Variants in KLHL17 observed in about 807,000 individuals in gnomAD.
The protein encoded by KLHL17 is kelch-like protein 17.
A neutral mutation model predicts 64.6 loss-of-function variants in KLHL17; 71 were observed. The observed-to-expected ratio is 1.10, with a 90% CI of 0.91 to 1.34. The LOEUF (loss-of-function observed/expected upper bound fraction) is 1.34. Among genes scored for constraint, KLHL17 ranks in the 40% most tolerant of loss-of-function variants. The pLI is 0.00. For missense variants in KLHL17, 1,140 were observed against 935.0 expected, an observed-to-expected ratio of 1.22 and a Z score of -2.86; for synonymous variants, 612 against 405.4, an observed-to-expected ratio of 1.51 and a Z score of -6.12.
chr1:961,757 G>A lies in KLHL17; in HGVS notation c.489+7G>A, dbSNP rs1177425902. On this transcript the variant is annotated splice_region_variant and intron_variant, in intron 3 of 11. Coordinates refer to ENST00000338591, the MANE Select transcript of KLHL17 (RefSeq NM_198317.3). ...GGGCGAGGGCAATGTGCAGGTGAGG[G>A]CTCCCTCACCCGGATCCCGGTGTCC... 6.2e-7 allele frequency: 1 copy of A among 1,611,806 alleles called. No individual in the cohort carries two copies. The highest frequency in any genetic ancestry group is 8.5e-7 in the Non-Finnish European group (1 of 1,179,514).
intron 1 of KLHL17, 171 bp downstream of exon 1, chr1:960,971 GC>G: frequency 2.7e-6 from 1 of 367,356 alleles, no homozygotes; most frequent in Non-Finnish European, 3.8e-6. Flanking sequence ...CGCCCCGCGC[GC>G]CCAGGACGCG....
rs1229721839 is a variant in KLHL17 at position 963,476 on chromosome 1, G to A, written c.1327G>A (p.Gly443Ser). The change falls in exon 8 of 12, where the codon GGC becomes AGC. Residue 443 changes from glycine to serine, a missense_variant. Physicochemically the swap from Gly to Ser is moderately conservative, Grantham distance 56. Transcript: ENST00000338591. ...ALHGLLYSAGGYDGASCLNSA... is the reference protein window; with the variant it reads ...ALHGLLYSAGSYDGASCLNSA... ...GCATGGACTCCTGTACTCGGCCGGC[G>A]GCTATGACGGGGCCTCCTGCCTGAA... The A allele has an allele frequency of 9.3e-6, 15 of 1,610,212 alleles. No individual in the cohort carries two copies. Among genetic ancestry groups the A allele is most frequent in the Admixed American group, 1.7e-5 (1 of 59,916 alleles).
At chr1:962,578 G>A in intron 5 of KLHL17, 107 bp downstream of exon 5, 1 of 1,530,002 alleles carries the variant, frequency 6.5e-7, no homozygotes, top group Non-Finnish European at 8.8e-7. Flanking sequence ...CCGTGGGGGT[G>A]GTGCCCCCAC....
In KLHL17 at chr1:962,067, G is replaced by A; in HGVS notation, c.711+20G>A. The A allele has an allele frequency of 6.2e-7, 1 of 1,601,192 alleles. No homozygotes were observed. The highest frequency in any genetic ancestry group is 8.5e-7 in the Non-Finnish European group (1 of 1,172,970). On this transcript the variant is annotated intron_variant, in intron 4 of 11. Transcript: ENST00000338591. ...AAACAGGTAACAGCTGGCGGGCCCA[G>A]CCCTCGCCCCCCACCCCACCCCACC...
chr1:960,903 G>C, intron 1 of KLHL17, 103 bp downstream of exon 1: 1 of 816,638 alleles, frequency 1.2e-6, no homozygotes, highest in Non-Finnish European at 1.5e-6. Flanking sequence ...TCCGAGGGCC[G>C]GGGGAGGTCG....
At position 961,626 on chromosome 1, in the gene KLHL17, C is replaced by A; in HGVS notation, c.368-3C>A. The A allele has an allele frequency of 6.2e-7, 1 of 1,612,820 alleles. No individual in the cohort carries two copies. The highest frequency in any genetic ancestry group is 8.5e-7 in the Non-Finnish European group (1 of 1,179,948). On this transcript the variant is annotated splice_polypyrimidine_tract_variant and splice_region_variant and intron_variant, in intron 2 of 11. Coordinates refer to ENST00000338591, the MANE Select transcript of KLHL17 (RefSeq NM_198317.3). ...CAGCTCGTGTAACCCGCTGTCCCCGCAGATGAGATGAGCGAGAGCCGCCAG... is the reference window on the plus strand; with the variant it reads ...CAGCTCGTGTAACCCGCTGTCCCCGAAGATGAGATGAGCGAGAGCCGCCAG...
chr1:962,685 G>C lies in KLHL17; in HGVS notation c.829-19G>C. 3 of 1,570,144 alleles carry C rather than the reference G, an allele frequency of 1.9e-6. No homozygotes were observed. The highest frequency in any genetic ancestry group is 2.6e-6 in the Non-Finnish European group (3 of 1,161,538). On this transcript the variant is annotated intron_variant, in intron 5 of 11. Transcript: ENST00000338591. ...GTGCCCGAGGGTCCCGCCTGACCTT[G>C]GCGTTCCCTGCACCCCAGCTCATGA...
In KLHL17 at chr1:963,916, A is replaced by G; in HGVS notation, c.1356-4A>G. On this transcript the variant is annotated splice_region_variant and splice_polypyrimidine_tract_variant and intron_variant, in intron 8 of 11. Coordinates refer to ENST00000338591, the MANE Select transcript of KLHL17 (RefSeq NM_198317.3). ...AGCTGTGGCTGCGGTCCTGGTGCCCACAGTGCTGAACGCTACGACCCCCTG... is the reference window on the plus strand; with the variant it reads ...AGCTGTGGCTGCGGTCCTGGTGCCCGCAGTGCTGAACGCTACGACCCCCTG... 1 of 1,612,016 alleles carries G rather than the reference A, an allele frequency of 6.2e-7. No homozygotes were observed. Among genetic ancestry groups the G allele is most frequent in the South Asian group, 1.1e-5 (1 of 91,068 alleles).
intron 8 of KLHL17, chr1:963,708 G>C: frequency 1.2e-6 from 1 of 821,192 alleles, no homozygotes; most frequent in Non-Finnish European, 1.9e-6. Context: ...CTTACCCCCA[G>C]TCCAGAGGCT....
At position 964,462 on chromosome 1, in the gene KLHL17, C is replaced by T. The variant is rs779892783; in HGVS notation, c.1632C>T (p.Leu544=). 3 of 1,546,632 alleles carry T rather than the reference C, an allele frequency of 1.9e-6. No homozygotes were observed. The highest frequency in any genetic ancestry group is 2.6e-6 in the Non-Finnish European group (3 of 1,145,826). The stretch of plus-strand genomic sequence containing the variant: ...GGGGCAACGACGGCACCAGCTGCCT[C>T]AACTCGGTAGAGAGATACAGTCCAA... ...VAGGNDGTSC[L]NSVERYSPKA... The change falls in exon 11 of 12, where the codon CTC becomes CTT. Residue 544 remains leucine (L), a synonymous_variant. Coordinates refer to ENST00000338591, the MANE Select transcript of KLHL17 (RefSeq NM_198317.3).
rs888445444 is a variant in KLHL17 at position 965,008 on chromosome 1, G to T, written c.1746G>T (p.Val582=). 7 of 1,612,116 alleles carry T rather than the reference G, an allele frequency of 4.3e-6. No individual in the cohort carries two copies. ...LVAMDGWLYA[V]GGNDGSSSLN... ...CCATGGACGGATGGTTGTACGCCGT[G>T]GGGGGTAACGACGGTAGCTCCAGCC... is the stretch of plus-strand genomic sequence containing the variant. The change falls in exon 12 of 12, where the codon GTG becomes GTT. Residue 582 remains valine (V), a synonymous_variant. Transcript: ENST00000338591.
Position 965,301 on chromosome 1 carries a change from GTCTT to G in KLHL17, c.*112_*115del, listed in dbSNP as rs1642900383. ...CACGTCTCTGCATCCATTCCTTCAT[GTCTT>G]TATTTAGTTGTTTATTTATTTAGTT... On this transcript the variant is annotated 3_prime_UTR_variant, in exon 12 of 12. Coordinates refer to ENST00000338591, the MANE Select transcript of KLHL17 (RefSeq NM_198317.3). The G allele has an allele frequency of 1.5e-5, 12 of 822,966 alleles. No homozygotes were observed. The highest frequency in any genetic ancestry group is 2.3e-5 in the Non-Finnish European group (12 of 529,830). The allele number at this position is 822,966 out of a possible 1,614,324, so 51.0% of individuals were successfully genotyped here.
chr1:961,236 TC>T (rs1292141289), intron 1 of KLHL17, 56 bp from the exon 2 acceptor site: 2 of 1,274,520 alleles, frequency 1.6e-6, no homozygotes, highest in African/African-American at 3.2e-5. Context: ...CCCCAGCGGC[TC>T]CAGGGCGGGC....
Position 962,408 on chromosome 1 carries a change from C to A in KLHL17, c.765C>A (p.Val255=), listed in dbSNP as rs772088075. 6.2e-7 allele frequency: 1 copy of A among 1,612,762 alleles called. No individual in the cohort carries two copies. Among genetic ancestry groups the A allele is most frequent in the East Asian group, 2.2e-5 (1 of 44,880 alleles). ...TGAACGTGCCTTCAGAGGAGGAGGT[C>A]TACCGAGCCGTCCTGAGCTGGGTGA... The part of the protein sequence containing the change: ...DSLNVPSEEE[V]YRAVLSWVKH... Residue 255 remains valine (V), a synonymous_variant, in exon 5 of 12, where the codon GTC becomes GTA. Coordinates refer to ENST00000338591, the MANE Select transcript of KLHL17 (RefSeq NM_198317.3).
chr1:961,073 G>C (rs1385700053), intron 1 of KLHL17, among the ~76,000 whole-genome samples: 1 of 151,202 alleles, frequency 6.6e-6, no homozygotes, highest in Non-Finnish European at 1.5e-5. Context: ...GCGGGGCTCT[G>C]TTCGCGGCTC....
rs545407464 is a variant in KLHL17 at position 965,250 on chromosome 1, A to G, written c.*59A>G. 1.4e-6 allele frequency: 2 copies of G among 1,424,476 alleles called. No homozygotes were observed. Among genetic ancestry groups the G allele is most frequent in the Non-Finnish European group, 2.0e-6 (2 of 1,022,896 alleles). 88.2% of individuals were successfully genotyped at this position (1,424,476 alleles called of 1,614,324 possible). A position where few individuals can be genotyped will look rare whatever the true frequency, so the allele number is the denominator to read the frequency against. Reference sequence around the variant, plus strand: ...ATGCCTTAAGGGGACCGTGGCCCCCACCAGGGACGTCCTGCGCCATCCGTT... The same window carrying G: ...ATGCCTTAAGGGGACCGTGGCCCCCGCCAGGGACGTCCTGCGCCATCCGTT... On this transcript the variant is annotated 3_prime_UTR_variant, in exon 12 of 12. Transcript: ENST00000338591.
At chr1:962,963 C>A in intron 6 of KLHL17, 46 bp downstream of exon 6, 1 of 1,518,892 alleles carries the variant, frequency 6.6e-7, no homozygotes, top group East Asian at 2.3e-5. Flanking sequence ...CCTTCTACTC[C>A]CCACCAGCAC....
rs535496329 is a variant in KLHL17 at position 965,137 on chromosome 1, C to T, written c.1875C>T (p.Leu625=). 1.2e-6 allele frequency: 2 copies of T among 1,612,590 alleles called. No homozygotes were observed. The highest frequency in any genetic ancestry group is 1.7e-5 in the Admixed American group (1 of 59,998). Residue 625 remains leucine, a synonymous_variant, in exon 12 of 12, where the codon CTC becomes CTT. Transcript: ENST00000338591. ...SSVGVAVLEL[L]NFPPPSSPTL... ...TGGGTGTGGCGGTGCTGGAGCTGCTCAATTTCCCGCCGCCATCCTCCCCGA... is the reference window on the plus strand; with the variant it reads ...TGGGTGTGGCGGTGCTGGAGCTGCTTAATTTCCCGCCGCCATCCTCCCCGA...
Position 962,571 on chromosome 1 carries a change from T to TG in KLHL17, c.828+105dup. On this transcript the variant is annotated intron_variant, in intron 5 of 11. Transcript: ENST00000338591. ...ACCTTCCCCGAGTTCAGGGACTCCG[T>TG]GGGGGTGGTGCCCCCACCTGTCTGA... is the stretch of plus-strand genomic sequence containing the variant. 2.0e-6 allele frequency: 3 copies of TG among 1,536,728 alleles called. No homozygotes were observed. The East Asian group carries it at 7.0e-5, about 36-fold the overall frequency.
Sources: allele counts gnomAD v4.1 joint callset (sites outside exome capture counted in the v4.1 genomes callset), GRCh38; gene constraint gnomAD v4.1.1; transcripts MANE v1.5; gene names NCBI Gene and HGNC (gene_info 2026-07-23, HGNC 2026-07-21).